The following RASA3 variants were observed in gnomAD, a reference collection of about 807,000 sequenced individuals.
RASA3 encodes the protein RAS p21 protein activator 3, also known as ras GTPase-activating protein 3.
In RASA3, 73 loss-of-function variants were observed where a neutral mutation model predicts 110.0. The observed-to-expected ratio is 0.66, with a 90% CI of 0.55 to 0.81. The LOEUF (loss-of-function observed/expected upper bound fraction) is 0.81. Ranked by LOEUF, RASA3 falls within the 30% of genes least tolerant of loss-of-function variation. The pLI is 0.00. For synonymous variants in RASA3, 500 were observed against 451.4 expected (o/e 1.11, Z -1.37); for missense variants, 976 against 1,113.2 (o/e 0.88, Z 1.75).
At chr13:113,980,097 G>A (rs2052883278) in intron 23 of RASA3, among the ~76,000 whole-genome samples, 1 of 121,110 alleles carries the variant, frequency 8.3e-6, no homozygotes, top group East Asian at 2.5e-4. Context: ...TCCCACGTGT[G>A]TGCACCCCTC....
chr13:114,015,602 G>C (rs1048650635), intron 13 of RASA3, among the ~76,000 whole-genome samples: 8 of 152,264 alleles, frequency 5.3e-5, no homozygotes, highest in African/African-American at 1.4e-4. Context: ...ACGTTCACTA[G>C]AATGTGCCTG....
At chr13:114,026,352 G>A (rs2054025591) in intron 7 of RASA3, among the ~76,000 whole-genome samples, 1 of 152,204 alleles carries the variant, frequency 6.6e-6, no homozygotes. Context: ...CTGGGAGCCT[G>A]GCAGCTCCCT....
chr13:114,041,496 C>T (rs2054406130), intron 3 of RASA3, among the ~76,000 whole-genome samples: 1 of 152,274 alleles, frequency 6.6e-6, no homozygotes, highest in Non-Finnish European at 1.5e-5. Flanking sequence ...GTGCGCCTCA[C>T]TTTCACTGTG....
chr13:113,992,536 G>T lies in RASA3; in HGVS notation c.2194C>A (p.Arg732Ser). 6.2e-7 allele frequency: 1 copy of T among 1,613,596 alleles called. No homozygotes were observed. The highest frequency in any genetic ancestry group is 8.5e-7 in the Non-Finnish European group (1 of 1,179,948). The change falls in exon 22 of 24, where the codon CGT (arginine) becomes AGT (serine). Residue 732 changes from arginine to serine, a missense_variant. Around this residue, in one of 4 missense-constraint regions of RASA3, gnomAD observed 132 missense variants for 152.8 expected, o/e 0.86. Transcript: ENST00000334062. ...TACAAGTTGAAGAGGGAGTAGATAC[G>T]CTCCGTCTCACGGTCCCCATCAATG... ...LDIDGDRETE[R>S]IYSLFNLYMS... is the part of the protein sequence containing the mutation.
rs2079938251 is a variant in RASA3 at position 114,096,044 on chromosome 13, C to T, written c.56-22207G>A. Among the ~76,000 whole-genome samples, 1 of 152,226 alleles carries T rather than the reference C, an allele frequency of 6.6e-6. No homozygotes were observed. Among genetic ancestry groups the T allele is most frequent in the Admixed American group, 6.5e-5 (1 of 15,286 alleles). ...GGAAAATCTGCCTACAGGAAGATGC[C>T]ACCCTGGGTGGCACTGGTGTGCCGG... On this transcript the variant is annotated intron_variant, in intron 1 of 23. Coordinates refer to ENST00000334062, the MANE Select transcript of RASA3 (RefSeq NM_007368.4). This position sits in a 1 kb window ranked among gnomAD's most constrained non-coding sequence, Gnocchi z 5.1.
At chr13:114,029,206 G>A (rs80138430) in intron 5 of RASA3, among the ~76,000 whole-genome samples, 1 of 19,518 alleles carries the variant, frequency 5.1e-5, no homozygotes, top group African/African-American at 7.1e-4. Context: ...CCTCTAAAAC[G>A]GCGTCATCCT....
rs1397666937 is a variant in RASA3, at chr13:114,113,720, T to C, written c.55+18715A>G. Among the ~76,000 whole-genome samples the C allele has an allele frequency of 7.8e-3, 91 of 11,666 alleles. 4 individuals carry two copies. Among genetic ancestry groups the C allele is most frequent in the African/African-American group, 0.042 (86 of 2,044 alleles). The allele number at this position is 11,666 out of a possible 152,430, so 7.7% of individuals were successfully genotyped here. A position where few individuals can be genotyped will look rare whatever the true frequency, so the allele number is the denominator to read the frequency against. The stretch of plus-strand genomic sequence containing the variant: ...ACCGCGTCCATCAGTCCACCCACCA[T>C]GGCGAGTGATGTCCGTACAGCTCAC... On this transcript the variant is annotated intron_variant, in intron 1 of 23. Transcript: ENST00000334062.
chr13:114,018,854 C>T lies in RASA3; in HGVS notation c.851G>A (p.Arg284Gln), dbSNP rs756924044. Residue 284 changes from arginine to glutamine, a missense_variant, in exon 10 of 24, where the codon CGG (arginine) becomes CAG (glutamine). By Grantham distance (43) the Arg-to-Gln change is conservative (BLOSUM62 1). Around this residue, in one of 4 missense-constraint regions of RASA3, gnomAD observed 732 missense variants for 779.7 expected, o/e 0.94. Transcript: ENST00000334062. ...SLKPDDLGSL[R>Q]LNVVYTEDHV... is the part of the protein sequence containing the mutation. The stretch of plus-strand genomic sequence containing the variant: ...GTCTTCCGTGTATACCACGTTCAGC[C>T]GCAGGGAGCCCAGGTCGTCTGGCTT... 43 of 1,613,830 alleles carry T rather than the reference C, an allele frequency of 2.7e-5. No individual in the cohort carries two copies. Among genetic ancestry groups the T allele is most frequent in the Admixed American group, 3.3e-5 (2 of 60,004 alleles).
chr13:114,075,519 G>A (rs1415619158), intron 1 of RASA3, among the ~76,000 whole-genome samples: 1 of 117,080 alleles, frequency 8.5e-6, no homozygotes, highest in Non-Finnish European at 1.8e-5. Flanking sequence ...TCGGCGCCGC[G>A]TATCTCTGGG....
chr13:114,116,922 G>A (rs1361182198), intron 1 of RASA3, among the ~76,000 whole-genome samples: 1 of 111,106 alleles, frequency 9.0e-6, no homozygotes, highest in Admixed American at 8.9e-5. Context: ...TGTGAGGGGT[G>A]AGCACGTGTG....
intron 3 of RASA3, among the ~76,000 whole-genome samples, chr13:114,049,104 G>A (rs1354684309): frequency 6.6e-6 from 1 of 150,876 alleles, no homozygotes; most frequent in Non-Finnish European, 1.5e-5. Context: ...ACCTGAACTT[G>A]CAACTGAGCA....
chr13:114,113,598 A>C (rs9590454), intron 1 of RASA3, among the ~76,000 whole-genome samples: 18 of 79,246 alleles, frequency 2.3e-4, no homozygotes, highest in Admixed American at 3.6e-4. Context: ...CTCACACCGC[A>C]TCCATCAATC....
At chr13:114,075,246 G>C (rs943340720) in intron 1 of RASA3, among the ~76,000 whole-genome samples, 1 of 152,186 alleles carries the variant, frequency 6.6e-6, no homozygotes, top group Admixed American at 6.5e-5. Context: ...TGAATGTTTC[G>C]CGTCAACTCA....
In RASA3 at chr13:114,013,845, CATCT is replaced by C. The variant is rs1322927343; in HGVS notation, c.1406-601_1406-598del. ...CTTTCTCTCCGTCTGTCTCTCTCTC[CATCT>C]CTCTGTCTCTCTCCCTGTCTCTCTC... On this transcript the variant is annotated intron_variant, in intron 14 of 23. Transcript: ENST00000334062. 2.9e-4 allele frequency among the ~76,000 whole-genome samples: 29 copies of C among 100,094 alleles called. 1 individual carries two copies. The highest frequency in any genetic ancestry group is 6.6e-3 in the Middle Eastern group (1 of 152). 65.7% of individuals were successfully genotyped at this position (100,094 alleles called of 152,430 possible).
chr13:113,990,437 G>A (rs1236576999), intron 22 of RASA3, among the ~76,000 whole-genome samples: 1 of 152,204 alleles, frequency 6.6e-6, no homozygotes, highest in Non-Finnish European at 1.5e-5. Flanking sequence ...ATCATGGAGG[G>A]CCTGGTCAGC....
Position 113,978,113 on chromosome 13 carries a change from T to G in RASA3, c.*1234A>C, listed in dbSNP as rs1408446859. 3.3e-5 allele frequency: 5 copies of G among 152,212 alleles called. No homozygotes were observed. Among genetic ancestry groups the G allele is most frequent in the African/African-American group, 1.2e-4 (5 of 41,452 alleles). 9.4% of individuals were successfully genotyped at this position (152,212 alleles called of 1,614,324 possible). On this transcript the variant is annotated 3_prime_UTR_variant, in exon 24 of 24. Transcript: ENST00000334062. ...CCGTCTGCATCCCGGGAGGACGCCCTTTGGGAAAGGCCTCCTCGGCAGTGT... is the reference window on the plus strand; with the variant it reads ...CCGTCTGCATCCCGGGAGGACGCCCGTTGGGAAAGGCCTCCTCGGCAGTGT...
intron 1 of RASA3, among the ~76,000 whole-genome samples, chr13:114,077,431 T>TC (rs1457413679): frequency 8.2e-6 from 1 of 122,382 alleles, no homozygotes; most frequent in Non-Finnish European, 1.6e-5. Context: ...CGATGCCCAG[T>TC]CCCCCCACAC....
intron 1 of RASA3, among the ~76,000 whole-genome samples, chr13:114,092,747 C>T (rs1594445988): frequency 6.6e-6 from 1 of 152,294 alleles, no homozygotes; most frequent in Non-Finnish European, 1.5e-5. Context: ...CTTCCCGTTG[C>T]TGAAAGTGGG....
chr13:114,013,856 C>T lies in RASA3; in HGVS notation c.1406-608G>A, dbSNP rs1214941988. Among the ~76,000 whole-genome samples the T allele has an allele frequency of 5.8e-5, 3 of 51,450 alleles. No individual in the cohort carries two copies. The East Asian group carries it at 2.9e-3, about 51-fold the overall frequency. 33.8% of individuals were successfully genotyped at this position (51,450 alleles called of 152,430 possible). ...TCTGTCTCTCTCTCCATCTCTCTGT[C>T]TCTCTCCCTGTCTCTCTCCCTATCT... On this transcript the variant is annotated intron_variant, in intron 14 of 23. Transcript: ENST00000334062.
Sources: allele counts gnomAD v4.1 joint callset (sites outside exome capture counted in the v4.1 genomes callset), GRCh38; gene constraint gnomAD v4.1.1; regional missense constraint gnomAD v4.1.1; non-coding constraint Gnocchi (gnomAD v3.1); transcripts MANE v1.5; gene names NCBI Gene and HGNC (gene_info 2026-07-23, HGNC 2026-07-21).